GYS1: variants seen among roughly 807,000 people sequenced by gnomAD.
GYS1 encodes glycogen [starch] synthase, muscle.
A neutral mutation model predicts 89.1 loss-of-function variants in GYS1; 60 were observed. The observed-to-expected ratio is 0.67, with a 90% CI of 0.55 to 0.84. GYS1 has a LOEUF of 0.84. Among genes scored for constraint, GYS1 ranks in the 40% least tolerant of loss-of-function variants. The pLI is 0.00. For synonymous variants in GYS1, 366 were observed against 401.7 expected (o/e 0.91, Z 1.06); for missense variants, 888 against 1,003.1 (o/e 0.89, Z 1.55).
intron 6 of GYS1, 40 bp downstream of exon 6, chr19:48,982,680 C>A: frequency 2.9e-6 from 4 of 1,373,554 alleles, no homozygotes; most frequent in East Asian, 2.3e-5. Flanking sequence ...AGGCTCCCAA[C>A]GCCCTCCTCT....
Position 48,982,384 on chromosome 19 carries a change from C to T in GYS1, c.942-9G>A, listed in dbSNP as rs762629200. 19 of 1,613,574 alleles carry T rather than the reference C, an allele frequency of 1.2e-5. No homozygotes were observed. The highest frequency in any genetic ancestry group is 1.6e-5 in the Non-Finnish European group (19 of 1,179,810). On this transcript the variant is annotated splice_polypyrimidine_tract_variant and intron_variant, in intron 6 of 15. Transcript: ENST00000323798. Reference sequence around the variant, plus strand: ...AGTTGAAGTCCAGATGCCTAAAGAACCCACAAGGCACGGTAAAGCCCAAAG... The same window carrying T: ...AGTTGAAGTCCAGATGCCTAAAGAATCCACAAGGCACGGTAAAGCCCAAAG...
At chr19:48,972,037 A>T (rs932961704) in intron 12 of GYS1, among the ~76,000 whole-genome samples, 7 of 143,270 alleles carry the variant, frequency 4.9e-5, no homozygotes, top group East Asian at 2.0e-4. Flanking sequence ...AATTAAAAAT[A>T]AAAAAAAAAA....
chr19:48,984,022 G>A (rs1399966213), intron 5 of GYS1, among the ~76,000 whole-genome samples: 1 of 152,196 alleles, frequency 6.6e-6, no homozygotes, highest in East Asian at 1.9e-4. Context: ...TTTCGAGACA[G>A]AGTTTCGCTC....
chr19:48,987,725 C>T (rs997367222), intron 2 of GYS1, among the ~76,000 whole-genome samples: 5 of 152,096 alleles, frequency 3.3e-5, no homozygotes, highest in Admixed American at 2.0e-4. Context: ...CAACCTCTGT[C>T]TCCCGGGTTC....
Position 48,968,626 on chromosome 19 carries a change from A to G in GYS1, c.*662T>C. Reference sequence around the variant, plus strand: ...GTCCTCCAGAAGGAATGAGCAGCCAAGTGGTTCTACCACCTCTTGCTTGGC... The same window carrying G: ...GTCCTCCAGAAGGAATGAGCAGCCAGGTGGTTCTACCACCTCTTGCTTGGC... On this transcript the variant is annotated 3_prime_UTR_variant, in exon 16 of 16. Transcript: ENST00000323798. The G allele has an allele frequency of 2.2e-6, 1 of 454,292 alleles. No homozygotes were observed. Among genetic ancestry groups the G allele is most frequent in the Non-Finnish European group, 4.4e-6 (1 of 226,780 alleles). 28.1% of individuals were successfully genotyped at this position (454,292 alleles called of 1,614,324 possible).
At position 48,968,688 on chromosome 19, in the gene GYS1, T is replaced by A. The variant is rs1568614294; in HGVS notation, c.*600A>T. ...GGATGACAGGAGCCGGATGGAGGGA[T>A]CCTCCAGGCAGAGCCTGGCTCTGAC... On this transcript the variant is annotated 3_prime_UTR_variant, in exon 16 of 16. Coordinates refer to ENST00000323798, the MANE Select transcript of GYS1 (RefSeq NM_002103.5). The A allele has an allele frequency of 4.4e-6, 2 of 454,014 alleles. No homozygotes were observed. The highest frequency in any genetic ancestry group is 8.8e-6 in the Non-Finnish European group (2 of 226,780). 28.1% of individuals were successfully genotyped at this position (454,014 alleles called of 1,614,324 possible).
At chr19:48,982,174 T>G in intron 7 of GYS1, 81 bp downstream of exon 7, 4 of 1,421,782 alleles carry the variant, frequency 2.8e-6, no homozygotes, top group Non-Finnish European at 4.0e-6. Flanking sequence ...ATTACAGGTG[T>G]GAGCCACTGT....
intron 2 of GYS1, among the ~76,000 whole-genome samples, chr19:48,990,005 G>GGGGT (rs1555800141): frequency 7.4e-6 from 1 of 134,848 alleles, no homozygotes; most frequent in African/African-American, 2.8e-5. Flanking sequence ...TGCTGGGGGG[G>GGGGT]GGGGGGGGCT....
At chr19:48,970,144 A>C (rs1278467877) in intron 14 of GYS1, 1 of 505,564 alleles carries the variant, frequency 2.0e-6, no homozygotes, top group East Asian at 3.6e-5. Flanking sequence ...TTCTTTTTAA[A>C]CACGGTCTTG....
At chr19:48,992,005 T>G (rs1282317607) in intron 1 of GYS1, among the ~76,000 whole-genome samples, 1 of 152,192 alleles carries the variant, frequency 6.6e-6, no homozygotes, top group Non-Finnish European at 1.5e-5. Context: ...GGGACCTTGC[T>G]GACCTGCCTC....
intron 2 of GYS1, among the ~76,000 whole-genome samples, chr19:48,990,543 CAAT>C (rs1265940429): frequency 6.6e-6 from 1 of 152,184 alleles, no homozygotes; most frequent in Non-Finnish European, 1.5e-5. Flanking sequence ...CTGTTAGTAA[CAAT>C]AATGACGATG....
chr19:48,983,899 G>T (rs2038802241), intron 5 of GYS1, among the ~76,000 whole-genome samples: 1 of 152,210 alleles, frequency 6.6e-6, no homozygotes, highest in East Asian at 1.9e-4. Flanking sequence ...TCAAATACAG[G>T]TCACCACCCC....
At chr19:48,984,924 T>C (rs1462723822) in intron 5 of GYS1, among the ~76,000 whole-genome samples, 4 of 152,070 alleles carry the variant, frequency 2.6e-5, no homozygotes, top group Non-Finnish European at 4.4e-5. Context: ...CAGATTTGTA[T>C]TGGATGATTT....
Position 48,991,522 on chromosome 19 carries a change from G to T in GYS1, c.119-39C>A. ...CGTGTGAGGGCAGGCCCCGGCCGAG[G>T]TCCATAGTTCTGGGGCCTGGGGTGG... On this transcript the variant is annotated intron_variant, in intron 1 of 15. Transcript: ENST00000323798. The surrounding 1 kb of genome is among the most constrained non-coding windows in gnomAD (Gnocchi z 4.7). The T allele has an allele frequency of 6.2e-7, 1 of 1,605,726 alleles. No individual in the cohort carries two copies. The highest frequency in any genetic ancestry group is 8.5e-7 in the Non-Finnish European group (1 of 1,173,766).
intron 12 of GYS1, 85 bp from the exon 13 acceptor site, chr19:48,971,108 T>C (rs761951458): frequency 7.4e-5 from 67 of 904,562 alleles, no homozygotes; most frequent in Middle Eastern, 2.1e-4. Context: ...CACCGCCCTC[T>C]ACTGGCGCCT....
At chr19:48,970,455 C>A (rs1189004668) in intron 14 of GYS1, 91 bp downstream of exon 14, 1 of 1,070,474 alleles carries the variant, frequency 9.3e-7, no homozygotes, top group East Asian at 2.4e-5. Flanking sequence ...GCAACTGTTA[C>A]AAGTAGGATG....
In GYS1 at chr19:48,982,235, CCT is replaced by C. The variant is rs772415757; in HGVS notation, c.1062+18_1062+19del. 6.2e-7 allele frequency: 1 copy of C among 1,612,778 alleles called. No individual in the cohort carries two copies. Among genetic ancestry groups the C allele is most frequent in the South Asian group, 1.1e-5 (1 of 91,030 alleles). ...ACTGCTTTGCTTGCCCTCCCTGTCC[CCT>C]CATAGCCCAGGCCTCACTCTGAGCA... On this transcript the variant is annotated intron_variant, in intron 7 of 15. Coordinates refer to ENST00000323798, the MANE Select transcript of GYS1 (RefSeq NM_002103.5).
At chr19:48,980,542 G>A (rs1181586040) in intron 8 of GYS1, among the ~76,000 whole-genome samples, 1 of 151,860 alleles carries the variant, frequency 6.6e-6, no homozygotes, top group Non-Finnish European at 1.5e-5. Flanking sequence ...GAGTATCTCT[G>A]CTAATGAATG....
chr19:48,981,455 T>G lies in GYS1; in HGVS notation c.1169+75A>C. 7.1e-6 allele frequency: 6 copies of G among 842,120 alleles called. No homozygotes were observed. In the South Asian group the frequency reaches 8.0e-5, roughly 11 times the overall value. 52.2% of individuals were successfully genotyped at this position (842,120 alleles called of 1,614,324 possible). ...AACAAACAAAACAAAAAACTGAGAC[T>G]CTAGGAGAAACACAGGACCCAAAGC... On this transcript the variant is annotated intron_variant, in intron 8 of 15. Transcript: ENST00000323798.
Sources: gnomAD v4.1 joint callset for allele counts (sites outside exome capture counted in the v4.1 genomes callset) on GRCh38, gnomAD v4.1.1 for gene constraint, Gnocchi (gnomAD v3.1) non-coding constraint, MANE v1.5 for transcripts, NCBI Gene and HGNC (gene_info 2026-07-23, HGNC 2026-07-21) for gene names.